The following BCL9 variants were observed in gnomAD, a reference collection of about 807,000 sequenced individuals.
BCL9 encodes the protein B-cell CLL/lymphoma 9 protein.
BCL9 carries 25 observed loss-of-function variants against 88.5 expected under a neutral mutation model. The ratio of observed to expected loss-of-function variants is 0.28; its 90% CI spans 0.21 to 0.39. The LOEUF is 0.39. Among genes scored for constraint, BCL9 ranks in the 10% least tolerant of loss-of-function variants. The pLI, the probability that BCL9 is intolerant of heterozygous loss-of-function variation, is 1.00. For synonymous variants in BCL9, 711 were observed against 673.3 expected, an observed-to-expected ratio of 1.06 and a Z score of -0.87; for missense variants, 1,817 against 1,877.8, an observed-to-expected ratio of 0.97 and a Z score of 0.60.
intron 1 of BCL9, among the ~76,000 whole-genome samples, chr1:147,551,626 TGGGAGTGGGTTAGTTATCAA>T (rs771237672): frequency 1.4e-3 from 214 of 152,278 alleles, no homozygotes; most frequent in Non-Finnish European, 2.6e-3. Context: ...ACTGTTATCT[TGGGAGTGGGTTAGTTATCAA>T]GGGAGTGGGC....
chr1:147,621,474 G>T (rs1244688267), intron 8 of BCL9, among the ~76,000 whole-genome samples: 1 of 152,182 alleles, frequency 6.6e-6, no homozygotes, highest in African/African-American at 2.4e-5. Flanking sequence ...TGTAAGACTT[G>T]TGTGGTTCTT....
Position 147,621,035 on chromosome 1 carries a change from C to A in BCL9, c.2880C>A (p.Ala960=), listed in dbSNP as rs782818524. 1 of 1,613,506 alleles carries A rather than the reference C, an allele frequency of 6.2e-7. No individual in the cohort carries two copies. The highest frequency in any genetic ancestry group is 2.2e-5 in the East Asian group (1 of 44,896). The change falls in exon 8 of 10, where the codon GCC becomes GCA. Residue 960 remains alanine, a synonymous_variant. Coordinates refer to ENST00000234739, the MANE Select transcript of BCL9 (RefSeq NM_004326.4). ...CACCCCTCACCATGGCCTCCCCAGC[C>A]ATGCTGGGAAATGTAGAGTCAGGTC... The part of the protein sequence containing the change: ...HKAPLTMASP[A]MLGNVESGGP...
At chr1:147,555,485 C>T (rs944995113) in intron 1 of BCL9, among the ~76,000 whole-genome samples, 1 of 152,172 alleles carries the variant, frequency 6.6e-6, no homozygotes, top group Non-Finnish European at 1.5e-5. Flanking sequence ...ACCCTTATAC[C>T]CAATTCAATT....
intron 1 of BCL9, among the ~76,000 whole-genome samples, chr1:147,568,482 G>GAAAAAAAAAA (rs201771944): frequency 7.4e-5 from 11 of 148,582 alleles, no homozygotes; most frequent in Non-Finnish European, 1.6e-4. Context: ...AAGCAAAAAA[G>GAAAAAAAAAA]AAAAAAAAAA....
At chr1:147,565,166 A>G (rs915822408) in intron 1 of BCL9, among the ~76,000 whole-genome samples, 1 of 152,186 alleles carries the variant, frequency 6.6e-6, no homozygotes, top group Non-Finnish European at 1.5e-5. Context: ...AACCCAGTGT[A>G]CTTGCCAATG....
chr1:147,620,601 C>T lies in BCL9; in HGVS notation c.2446C>T (p.His816Tyr). 6.2e-7 allele frequency: 1 copy of T among 1,614,192 alleles called. No individual in the cohort carries two copies. The highest frequency in any genetic ancestry group is 8.5e-7 in the Non-Finnish European group (1 of 1,180,028). Residue 816 changes from histidine (H) to tyrosine (Y), a missense_variant, in exon 8 of 10, where the codon CAT becomes TAT. This residue lies in a region of BCL9 where 1,228 missense variants were observed against 1,191.6 expected (regional missense o/e 1.03). Transcript: ENST00000234739. The part of the protein sequence containing the change: ...PDQRTNSRLS[H>Y]MPPLPLNPSS... ...CCAGAGGACTAACAGCCGGCTCAGT[C>T]ATATGCCACCACTACCTCTCAACCC...
intron 1 of BCL9, among the ~76,000 whole-genome samples, chr1:147,589,346 A>G (rs986667022): frequency 1.3e-5 from 2 of 152,246 alleles, no homozygotes; most frequent in African/African-American, 2.4e-5. Flanking sequence ...TTATTGAGGT[A>G]TAATTTACAA....
chr1:147,607,345 A>G (rs782110928), intron 3 of BCL9, among the ~76,000 whole-genome samples: 7 of 152,198 alleles, frequency 4.6e-5, no homozygotes, highest in African/African-American at 1.7e-4. Context: ...TTGATTAACA[A>G]TGAAAATTTT....
chr1:147,568,935 A>G (rs781887161), intron 1 of BCL9, among the ~76,000 whole-genome samples: 35 of 152,182 alleles, frequency 2.3e-4, no homozygotes, highest in Admixed American at 5.2e-4. Flanking sequence ...AGTGCCAGGT[A>G]TCTCTAGAAA....
At chr1:147,602,197 C>T (rs1409542768) in intron 1 of BCL9, among the ~76,000 whole-genome samples, 3 of 133,846 alleles carry the variant, frequency 2.2e-5, no homozygotes, top group African/African-American at 5.8e-5. Flanking sequence ...CCACCGCGCC[C>T]GGCTAGAAGA....
At chr1:147,548,140 A>C (rs1553194459) in intron 1 of BCL9, among the ~76,000 whole-genome samples, 1 of 152,100 alleles carries the variant, frequency 6.6e-6, no homozygotes, top group African/African-American at 2.4e-5. Flanking sequence ...ATAATACTAG[A>C]TATGTTGGAC....
chr1:147,581,134 C>CTA (rs1475929679), intron 1 of BCL9, among the ~76,000 whole-genome samples: 3 of 152,132 alleles, frequency 2.0e-5, no homozygotes, highest in African/African-American at 7.2e-5. Flanking sequence ...TATTTGACCT[C>CTA]TCTAAAGTCT....
chr1:147,575,576 T>C (rs587766076), intron 1 of BCL9, among the ~76,000 whole-genome samples: 9 of 152,266 alleles, frequency 5.9e-5, no homozygotes, highest in African/African-American at 1.9e-4. Flanking sequence ...TTTTTTAATG[T>C]TAAAAACTCC....
chr1:147,619,161 G>A lies in BCL9; in HGVS notation c.1006G>A (p.Val336Met). ...TCCCAAAGCCCCTCCGCCTCCACCA[G>A]TGTCCAGTGGCGAGCCCCCCACACT... ...ADPKAPPPPP[V>M]SSGEPPTLGE... The change falls in exon 8 of 10, where the codon GTG (valine) becomes ATG (methionine). Residue 336 changes from valine (V) to methionine (M), a missense_variant. Val to Met is a conservative substitution (Grantham distance 21). Coordinates refer to ENST00000234739, the MANE Select transcript of BCL9 (RefSeq NM_004326.4). The surrounding 1 kb of genome is among the most constrained non-coding windows in gnomAD (Gnocchi z 4.1). The A allele has an allele frequency of 1.9e-6, 3 of 1,613,252 alleles. No individual in the cohort carries two copies. The highest frequency in any genetic ancestry group is 2.5e-6 in the Non-Finnish European group (3 of 1,179,556).
intron 1 of BCL9, among the ~76,000 whole-genome samples, chr1:147,587,507 A>G (rs1299942231): frequency 6.6e-6 from 1 of 152,066 alleles, no homozygotes; most frequent in East Asian, 2.0e-4. Context: ...GAGGGGAGAA[A>G]CCTCGTGGGA....
chr1:147,591,706 TC>T (rs1176797196), intron 1 of BCL9, among the ~76,000 whole-genome samples: 3 of 152,134 alleles, frequency 2.0e-5, no homozygotes, highest in African/African-American at 2.4e-5. Flanking sequence ...TCCTTGTCTC[TC>T]CCTCCTGGCC....
chr1:147,618,513 T>G (rs1293411850), intron 7 of BCL9, among the ~76,000 whole-genome samples: 6 of 152,202 alleles, frequency 3.9e-5, no homozygotes, highest in Non-Finnish European at 7.3e-5. Flanking sequence ...ATCAAACCTG[T>G]TCCTCAAAAT....
chr1:147,562,064 C>T (rs1553196169), intron 1 of BCL9, among the ~76,000 whole-genome samples: 1 of 152,150 alleles, frequency 6.6e-6, no homozygotes, highest in South Asian at 2.1e-4. Flanking sequence ...CGTGGTGGCT[C>T]ACGCCTGTAA....
chr1:147,565,355 T>C (rs1022283414), intron 1 of BCL9, among the ~76,000 whole-genome samples: 1 of 152,204 alleles, frequency 6.6e-6, no homozygotes. Flanking sequence ...ACATGAGTAA[T>C]AGAGGAGGCT....
Sources: gnomAD v4.1 joint callset for allele counts (sites outside exome capture counted in the v4.1 genomes callset) on GRCh38, gnomAD v4.1.1 for gene constraint, gnomAD v4.1.1 regional missense constraint, Gnocchi (gnomAD v3.1) non-coding constraint, MANE v1.5 for transcripts, NCBI Gene and HGNC (gene_info 2026-07-23, HGNC 2026-07-21) for gene names.